The following DARS1 variants were observed in gnomAD, a reference collection of about 807,000 sequenced individuals.
DARS1 encodes the protein aspartate--tRNA ligase, cytoplasmic.
DARS1 carries 51 observed loss-of-function variants against 68.8 expected under a neutral mutation model. That is an observed-to-expected ratio of 0.74 (90% CI 0.59 to 0.94). The LOEUF (loss-of-function observed/expected upper bound fraction) is 0.94. DARS1 is among the 40% of genes least tolerant of loss of function. The pLI is 0.00. For synonymous variants in DARS1, 203 were observed against 190.4 expected (o/e 1.07, Z -0.55); for missense variants, 607 against 597.3 (o/e 1.02, Z -0.17).
intron 4 of DARS1, among the ~76,000 whole-genome samples, chr2:135,958,087 A>C (rs1404011430): frequency 2.0e-5 from 3 of 152,216 alleles, no homozygotes; most frequent in African/African-American, 7.2e-5. Context: ...AGGTAGAGTC[A>C]GGATATTTCA....
chr2:135,964,453 A>G (rs1396521494), intron 3 of DARS1, among the ~76,000 whole-genome samples: 1 of 152,198 alleles, frequency 6.6e-6, no homozygotes, highest in Non-Finnish European at 1.5e-5. Flanking sequence ...CAGTAAGTAG[A>G]ACCCGGGAAG....
Position 135,920,578 on chromosome 2 carries a change from A to T in DARS1, c.834T>A (p.Asn278Lys). The change falls in exon 10 of 16, where the codon AAT (asparagine) becomes AAA (lysine). Residue 278 changes from asparagine to lysine, a missense_variant. Transcript: ENST00000264161. ...IGPVFRAEDS[N>K]THRHLTEFVG... ...CAAACTCAGTTAGATGTCTATGGGTATTAGAGTCTTCCGCTCTGAATACTG... is the reference window on the plus strand; with the variant it reads ...CAAACTCAGTTAGATGTCTATGGGTTTTAGAGTCTTCCGCTCTGAATACTG... 1 of 1,611,238 alleles carries T rather than the reference A, an allele frequency of 6.2e-7. No individual in the cohort carries two copies. Among genetic ancestry groups the T allele is most frequent in the Non-Finnish European group, 8.5e-7 (1 of 1,179,154 alleles).
chr2:135,931,777 T>G (rs1208177112), intron 7 of DARS1, among the ~76,000 whole-genome samples: 1 of 152,126 alleles, frequency 6.6e-6, no homozygotes, highest in Non-Finnish European at 1.5e-5. Context: ...CAGATTCTCC[T>G]CTTTTTAAGA....
At chr2:135,933,820 T>C in intron 6 of DARS1, 90 bp downstream of exon 6, 1 of 1,398,510 alleles carries the variant, frequency 7.2e-7, no homozygotes. Context: ...TCAAAATCAA[T>C]TCACAGACAC....
At chr2:135,957,190 G>A (rs1268110728) in intron 4 of DARS1, among the ~76,000 whole-genome samples, 1 of 151,894 alleles carries the variant, frequency 6.6e-6, no homozygotes, top group Non-Finnish European at 1.5e-5. Flanking sequence ...TCAGCCTCCA[G>A]AGTAGATGCG....
intron 15 of DARS1, 136 bp from the exon 16 acceptor site, chr2:135,907,543 G>A: frequency 1.4e-5 from 8 of 572,850 alleles, no homozygotes; most frequent in South Asian, 2.3e-5. Context: ...TATTATTTTG[G>A]GTTTATTTAA....
At chr2:135,910,988 ATTT>A (rs1288560837) in intron 15 of DARS1, 148 bp downstream of exon 15, 21 of 555,850 alleles carry the variant, frequency 3.8e-5, no homozygotes, top group Non-Finnish European at 6.8e-5. Flanking sequence ...TGACAATAAT[ATTT>A]TATAACACAC....
intron 4 of DARS1, among the ~76,000 whole-genome samples, chr2:135,944,028 C>T (rs1558788595): frequency 2.0e-5 from 3 of 152,102 alleles, no homozygotes; most frequent in South Asian, 4.1e-4. Flanking sequence ...GGATTGTGTA[C>T]TCCCATTTAA....
chr2:135,914,614 T>C lies in DARS1; in HGVS notation c.1107-103A>G, dbSNP rs1680968669. 1.8e-5 allele frequency: 15 copies of C among 824,774 alleles called. No homozygotes were observed. In the East Asian group the frequency reaches 3.2e-4, roughly 17 times the overall value. The allele number at this position is 824,774 out of a possible 1,614,324, so 51.1% of individuals were successfully genotyped here. The stretch of plus-strand genomic sequence containing the variant: ...GAGTTTCTCAAGGGATTACAAAATT[T>C]GGCCAGAACACGCAGTTGTCTATTC... On this transcript the variant is annotated intron_variant, in intron 11 of 15. Transcript: ENST00000264161.
chr2:135,951,491 C>G (rs945251819), intron 4 of DARS1, among the ~76,000 whole-genome samples: 2 of 152,240 alleles, frequency 1.3e-5, no homozygotes, highest in Admixed American at 1.3e-4. Flanking sequence ...CTAGCAAACC[C>G]TGTTGTCACT....
intron 3 of DARS1, among the ~76,000 whole-genome samples, chr2:135,969,529 TTAGAA>T (rs1178601695): frequency 2.6e-5 from 4 of 151,924 alleles, no homozygotes; most frequent in African/African-American, 4.8e-5. Context: ...GTATTATAAC[TTAGAA>T]TAGAATTTTC....
At chr2:135,952,576 C>G (rs1681864033) in intron 4 of DARS1, among the ~76,000 whole-genome samples, 1 of 152,054 alleles carries the variant, frequency 6.6e-6, no homozygotes, top group Non-Finnish European at 1.5e-5. Context: ...TGCCCCCCAC[C>G]AACTATTCTC....
chr2:135,942,101 C>A (rs1185623356), intron 5 of DARS1, among the ~76,000 whole-genome samples: 1 of 152,104 alleles, frequency 6.6e-6, no homozygotes, highest in Non-Finnish European at 1.5e-5. Flanking sequence ...TGTGGTGATT[C>A]CTCAGGGATC....
At chr2:135,947,910 C>T (rs1387106997) in intron 4 of DARS1, among the ~76,000 whole-genome samples, 1 of 151,910 alleles carries the variant, frequency 6.6e-6, no homozygotes, top group Non-Finnish European at 1.5e-5. Flanking sequence ...ATCATACTAC[C>T]TTCCCCAGTA....
rs764371083 is a variant in DARS1, at chr2:135,907,116, T to C, written c.*200A>G. ...TAAAAATCTCTTTTAAACGAACCTA[T>C]ACTGAATTACTCCAAAAATAACAGT... On this transcript the variant is annotated 3_prime_UTR_variant, in exon 16 of 16. Coordinates refer to ENST00000264161, the MANE Select transcript of DARS1 (RefSeq NM_001349.4). 20 of 418,532 alleles carry C rather than the reference T, an allele frequency of 4.8e-5. No homozygotes were observed. Among genetic ancestry groups the C allele is most frequent in the African/African-American group, 1.7e-4 (8 of 47,774 alleles). 25.9% of individuals were successfully genotyped at this position (418,532 alleles called of 1,614,324 possible). A position where few individuals can be genotyped will look rare whatever the true frequency, so the allele number is the denominator to read the frequency against.
At chr2:135,960,768 C>T (rs1682080886) in intron 4 of DARS1, among the ~76,000 whole-genome samples, 1 of 152,174 alleles carries the variant, frequency 6.6e-6, no homozygotes, top group South Asian at 2.1e-4. Context: ...CCACTGCACA[C>T]ACAACCACAC....
intron 7 of DARS1, among the ~76,000 whole-genome samples, chr2:135,926,537 G>A (rs1681215129): frequency 6.6e-6 from 1 of 152,150 alleles, no homozygotes; most frequent in Non-Finnish European, 1.5e-5. Flanking sequence ...GAAGATTCTA[G>A]CTTTTAAATG....
Position 135,932,726 on chromosome 2 carries a change from C to T in DARS1, c.564+57G>A, listed in dbSNP as rs1326136018. The T allele has an allele frequency of 9.6e-6, 8 of 836,018 alleles. No homozygotes were observed. The Admixed American group carries it at 1.2e-4, about 12-fold the overall frequency. The allele number at this position is 836,018 out of a possible 1,614,324, so 51.8% of individuals were successfully genotyped here. A position where few individuals can be genotyped will look rare whatever the true frequency, so the allele number is the denominator to read the frequency against. On this transcript the variant is annotated intron_variant, in intron 7 of 15. Transcript: ENST00000264161. ...TATAAGCCTGAGACAGGTATGGTAT[C>T]CCTGCCCCTCTCTAATGCGGCATAA... is the stretch of plus-strand genomic sequence containing the variant.
At chr2:135,950,764 C>G (rs1459019900) in intron 4 of DARS1, among the ~76,000 whole-genome samples, 1 of 152,154 alleles carries the variant, frequency 6.6e-6, no homozygotes, top group East Asian at 1.9e-4. Flanking sequence ...AGAATATACA[C>G]TAGTGGGCCC....
Sources: allele counts gnomAD v4.1 joint callset (sites outside exome capture counted in the v4.1 genomes callset), GRCh38; gene constraint gnomAD v4.1.1; transcripts MANE v1.5; gene names NCBI Gene and HGNC (gene_info 2026-07-23, HGNC 2026-07-21).